Variants in FCHSD2 observed in about 807,000 individuals in gnomAD.
The protein encoded by FCHSD2 is F-BAR and double SH3 domains protein 2.
Under a neutral mutation model 108.1 loss-of-function variants are expected in FCHSD2, and 38 were observed. The ratio of observed to expected loss-of-function variants is 0.35; its 90% CI spans 0.27 to 0.46. The LOEUF is 0.46. Among genes scored for constraint, FCHSD2 ranks in the 20% least tolerant of loss-of-function variants. The pLI is 1.00. For missense variants in FCHSD2, 751 were observed against 897.8 expected (o/e 0.84, Z 2.09); for synonymous variants, 279 against 314.7 (o/e 0.89, Z 1.20).
intron 13 of FCHSD2, among the ~76,000 whole-genome samples, chr11:72,865,971 A>T (rs1307216520): frequency 6.6e-6 from 1 of 152,188 alleles, no homozygotes; most frequent in East Asian, 1.9e-4. Flanking sequence ...GTTCATCTTC[A>T]GTTTGCCCAG....
At chr11:72,978,217 G>A (rs1188636566) in intron 8 of FCHSD2, among the ~76,000 whole-genome samples, 6 of 151,914 alleles carry the variant, frequency 3.9e-5, no homozygotes, top group Non-Finnish European at 2.9e-5. Flanking sequence ...TGTAAATGAC[G>A]AGTTAATGGG....
intron 8 of FCHSD2, among the ~76,000 whole-genome samples, chr11:72,949,255 G>A (rs893736242): frequency 6.6e-6 from 1 of 151,868 alleles, no homozygotes; most frequent in Non-Finnish European, 1.5e-5. Context: ...TTCAAGGCCA[G>A]CCTGACCAAC....
chr11:73,089,930 TGTTAA>T (rs2135520821), intron 2 of FCHSD2, among the ~76,000 whole-genome samples: 1 of 152,258 alleles, frequency 6.6e-6, no homozygotes, highest in Non-Finnish European at 1.5e-5. Context: ...CCTTACCAGA[TGTTAA>T]AAATTAATTT....
intron 3 of FCHSD2, among the ~76,000 whole-genome samples, chr11:73,071,678 C>A (rs866131742): frequency 2.6e-5 from 4 of 151,696 alleles, no homozygotes; most frequent in South Asian, 2.1e-4. Context: ...TCCAGCCTGG[C>A]GACAGAATGA....
At chr11:73,024,046 TA>T (rs1333144382) in intron 3 of FCHSD2, among the ~76,000 whole-genome samples, 1 of 152,126 alleles carries the variant, frequency 6.6e-6, no homozygotes, top group Non-Finnish European at 1.5e-5. Flanking sequence ...TGAACTAATA[TA>T]CATAGTATTG....
intron 13 of FCHSD2, among the ~76,000 whole-genome samples, chr11:72,853,478 A>G (rs7129171): frequency 1 from 151,772 of 152,244 alleles, 75,651 homozygotes; most frequent in East Asian, 1. Context: ...GTAGTGGCGC[A>G]ATCTTGACTC....
rs139080054 is a variant in FCHSD2 at position 73,066,305 on chromosome 11, T to C, written c.165+17390A>G. On this transcript the variant is annotated intron_variant, in intron 3 of 19. Transcript: ENST00000409418. ...AAACTGGCTAGCCATATGCAGAAAA[T>C]TGAAACCGGATCCCTTCCTTACACC... is the stretch of plus-strand genomic sequence containing the variant. 5.4e-3 allele frequency among the ~76,000 whole-genome samples: 827 copies of C among 152,054 alleles called. 4 individuals are homozygous for C. The highest frequency in any genetic ancestry group is 0.014 in the South Asian group (67 of 4,802).
At chr11:72,853,822 T>C (rs374192684) in intron 13 of FCHSD2, among the ~76,000 whole-genome samples, 38 of 152,274 alleles carry the variant, frequency 2.5e-4, no homozygotes, top group Middle Eastern at 3.4e-3. Flanking sequence ...AAGTTATGTA[T>C]CTTAAAAGGG....
intron 9 of FCHSD2, among the ~76,000 whole-genome samples, chr11:72,903,440 C>T (rs1045645530): frequency 2.6e-5 from 4 of 152,066 alleles, no homozygotes; most frequent in Non-Finnish European, 5.9e-5. Flanking sequence ...AGGATGGTCT[C>T]GATCTCCTGA....
chr11:72,841,333 C>G, intron 18 of FCHSD2, 121 bp downstream of exon 18: 1 of 957,542 alleles, frequency 1.0e-6, no homozygotes, highest in Non-Finnish European at 1.4e-6. Context: ...GACAGAGACT[C>G]TGTCTCCAAA....
At chr11:72,850,230 T>C (rs1861249346) in intron 13 of FCHSD2, among the ~76,000 whole-genome samples, 1 of 151,866 alleles carries the variant, frequency 6.6e-6, no homozygotes, top group African/African-American at 2.4e-5. Context: ...ACCTGGCTAA[T>C]TGTTTTGTAT....
rs555678942 is a variant in FCHSD2 at position 72,897,665 on chromosome 11, A to G, written c.924+4878T>C. The stretch of plus-strand genomic sequence containing the variant: ...ATATATGTAAATAAACTGCTAGTTT[A>G]GACACCCAAACCCATGTTTTCTCCA... On this transcript the variant is annotated intron_variant, in intron 10 of 19. Coordinates refer to ENST00000409418, the MANE Select transcript of FCHSD2 (RefSeq NM_014824.3). Among the ~76,000 whole-genome samples, 4 of 152,326 alleles carry G rather than the reference A, an allele frequency of 2.6e-5. No individual in the cohort carries two copies. In the South Asian group the frequency reaches 8.3e-4, roughly 32 times the overall value.
At chr11:73,140,547 A>G (rs1226187557) in intron 1 of FCHSD2, among the ~76,000 whole-genome samples, 1 of 152,200 alleles carries the variant, frequency 6.6e-6, no homozygotes, top group Non-Finnish European at 1.5e-5. Flanking sequence ...CCTGATACCC[A>G]ATGACCAATA....
At position 73,003,384 on chromosome 11, in the gene FCHSD2, T is replaced by C. The variant is rs569858287; in HGVS notation, c.243-2250A>G. ...TGAATACATAGTAACAGCAGCAGAATTGTAACAAATAGAAGCACTTCTTGT... is the reference window on the plus strand; with the variant it reads ...TGAATACATAGTAACAGCAGCAGAACTGTAACAAATAGAAGCACTTCTTGT... On this transcript the variant is annotated intron_variant, in intron 4 of 19. Transcript: ENST00000409418. 9.8e-5 allele frequency among the ~76,000 whole-genome samples: 15 copies of C among 152,316 alleles called. No individual in the cohort carries two copies. The South Asian group carries it at 2.3e-3, about 23-fold the overall frequency.
chr11:73,134,867 CAG>C (rs1229220801), intron 2 of FCHSD2, among the ~76,000 whole-genome samples: 1 of 152,034 alleles, frequency 6.6e-6, no homozygotes, highest in Non-Finnish European at 1.5e-5. Flanking sequence ...TTTTTTGAGA[CAG>C]AGTCTAGCTC....
chr11:72,905,011 G>A (rs1019934686), intron 9 of FCHSD2, among the ~76,000 whole-genome samples: 2 of 152,130 alleles, frequency 1.3e-5, no homozygotes, highest in Non-Finnish European at 2.9e-5. Flanking sequence ...ACTTCCATCA[G>A]GAAGCTTGCT....
chr11:73,118,521 G>C (rs1331390037), intron 2 of FCHSD2, among the ~76,000 whole-genome samples: 6 of 152,086 alleles, frequency 3.9e-5, no homozygotes, highest in South Asian at 4.1e-4. Flanking sequence ...ATATATTCTT[G>C]TATCTGAATT....
chr11:73,090,873 C>T (rs1859940746), intron 2 of FCHSD2, among the ~76,000 whole-genome samples: 1 of 152,118 alleles, frequency 6.6e-6, no homozygotes, highest in Non-Finnish European at 1.5e-5. Flanking sequence ...TAATTTCAAA[C>T]TTTTTCATCA....
intron 13 of FCHSD2, among the ~76,000 whole-genome samples, chr11:72,860,551 A>G (rs1266404532): frequency 6.6e-6 from 1 of 152,246 alleles, no homozygotes; most frequent in African/African-American, 2.4e-5. Flanking sequence ...AGAAATTAAA[A>G]CATAAATTAG....
Sources: gnomAD v4.1 joint callset for allele counts (sites outside exome capture counted in the v4.1 genomes callset) on GRCh38, gnomAD v4.1.1 for gene constraint, MANE v1.5 for transcripts, NCBI Gene and HGNC (gene_info 2026-07-23, HGNC 2026-07-21) for gene names.